The following MAPK14 variants were observed in gnomAD, a reference collection of about 807,000 sequenced individuals.
MAPK14 encodes mitogen-activated protein kinase 14.
A neutral mutation model predicts 49.6 loss-of-function variants in MAPK14; 16 were observed. The ratio of observed to expected loss-of-function variants is 0.32; its 90% CI spans 0.22 to 0.49. The LOEUF (loss-of-function observed/expected upper bound fraction) is 0.49. Among genes scored for constraint, MAPK14 ranks in the 20% least tolerant of loss-of-function variants. The pLI, the probability that MAPK14 is intolerant of heterozygous loss-of-function variation, is 0.99. For synonymous variants in MAPK14, 142 were observed against 158.0 expected (o/e 0.90, Z 0.76); for missense variants, 200 against 441.2 (o/e 0.45, Z 4.90).
At chr6:36,086,553 A>C (rs1764993126) in intron 8 of MAPK14, among the ~76,000 whole-genome samples, 1 of 152,218 alleles carries the variant, frequency 6.6e-6, no homozygotes, top group African/African-American at 2.4e-5. Context: ...AAAATCTAGA[A>C]GAAATGGATG....
the MAPK14 span, among the ~76,000 whole-genome samples, chr6:36,116,344 T>A: frequency 1.3e-5 from 2 of 152,148 alleles, no homozygotes; most frequent in Non-Finnish European, 2.9e-5. Context: ...AGAATCTTTT[T>A]TTTTTTTTGG....
intron 1 of MAPK14, among the ~76,000 whole-genome samples, chr6:36,044,186 A>T (rs1304151470): frequency 6.6e-6 from 1 of 152,154 alleles, no homozygotes; most frequent in Non-Finnish European, 1.5e-5. Context: ...AGATTTCAAT[A>T]TATTTAAATA....
At chr6:36,091,832 A>ATCTTT (rs761092225) in intron 8 of MAPK14, among the ~76,000 whole-genome samples, 1 of 142,218 alleles carries the variant, frequency 7.0e-6, no homozygotes, top group Admixed American at 7.0e-5. Flanking sequence ...AATATGGCTC[A>ATCTTT]TCTTTTCTTT....
At position 36,104,321 on chromosome 6, in the gene MAPK14, A is replaced by G. The variant is rs1337926713; in HGVS notation, c.841+1672A>G. 2.6e-5 allele frequency among the ~76,000 whole-genome samples: 4 copies of G among 151,990 alleles called. No homozygotes were observed. In the South Asian group the frequency reaches 8.3e-4, roughly 32 times the overall value. ...TATTTGAGCTGTATTATCTAGTTCA[A>G]GGGTCTGTGAGAAGCTCTCTTTGAG... On this transcript the variant is annotated intron_variant, in intron 10 of 11. Transcript: ENST00000229794.
intron 10 of MAPK14, among the ~76,000 whole-genome samples, chr6:36,106,571 A>G (rs895822951): frequency 6.6e-6 from 1 of 152,240 alleles, no homozygotes; most frequent in Non-Finnish European, 1.5e-5. Flanking sequence ...TTATGATTAT[A>G]TAGGAAGATG....
rs200942351 is a variant in MAPK14, at chr6:36,109,641, A to G, written c.*1194A>G. 1.3e-5 allele frequency: 2 copies of G among 152,648 alleles called. No individual in the cohort carries two copies. The highest frequency in any genetic ancestry group is 4.8e-5 in the African/African-American group (2 of 41,468). 9.5% of individuals were successfully genotyped at this position (152,648 alleles called of 1,614,324 possible). A position where few individuals can be genotyped will look rare whatever the true frequency, so the allele number is the denominator to read the frequency against. On this transcript the variant is annotated 3_prime_UTR_variant, in exon 12 of 12. Transcript: ENST00000229794. ...GATGTATAGCATTTTTATTCATGCC[A>G]TCTGTTTTCAACCAACTATTTTTGA...
chr6:36,120,040 A>G, the MAPK14 span, among the ~76,000 whole-genome samples: 1 of 152,206 alleles, frequency 6.6e-6, no homozygotes, highest in South Asian at 2.1e-4. Flanking sequence ...TTCAGCTGCC[A>G]AGAGCCAGAC....
At chr6:36,030,782 C>A (rs945694234) in intron 1 of MAPK14, among the ~76,000 whole-genome samples, 4 of 150,276 alleles carry the variant, frequency 2.7e-5, no homozygotes, top group African/African-American at 9.8e-5. Flanking sequence ...TGTTAAGTGT[C>A]TTGTGTCTTT....
At chr6:36,034,879 C>G (rs114425129) in intron 1 of MAPK14, among the ~76,000 whole-genome samples, 2,625 of 150,072 alleles carry the variant, frequency 0.017, 76 homozygotes, top group African/African-American at 0.06. Flanking sequence ...TGGTAATTCT[C>G]GCAATATTTC....
At chr6:36,048,359 C>T (rs1377082932) in intron 1 of MAPK14, among the ~76,000 whole-genome samples, 1 of 151,978 alleles carries the variant, frequency 6.6e-6, no homozygotes, top group Non-Finnish European at 1.5e-5. Context: ...TTATTTTTTG[C>T]AGAGACAGGG....
rs11300938 is a variant in MAPK14 at position 36,106,910 on chromosome 6, C to CA, written c.842-535dup. 4.3e-3 allele frequency among the ~76,000 whole-genome samples: 612 copies of CA among 143,146 alleles called. 2 individuals carry two copies. The highest frequency in any genetic ancestry group is 5.8e-3 in the Non-Finnish European group (376 of 64,712). The allele number at this position is 143,146 out of a possible 152,430, so 93.9% of individuals were successfully genotyped here. A position where few individuals can be genotyped will look rare whatever the true frequency, so the allele number is the denominator to read the frequency against. On this transcript the variant is annotated intron_variant, in intron 10 of 11. Coordinates refer to ENST00000229794, the MANE Select transcript of MAPK14 (RefSeq NM_139012.3). ...TTAGTAAATAAACAGCTTAGGGGGA[C>CA]AAAAAAAAAACAGCCCTGCCTACCT...
chr6:36,028,224 C>A lies in MAPK14; in HGVS notation c.67C>A (p.Arg23Ser), dbSNP rs1268130777. 6.2e-7 allele frequency: 1 copy of A among 1,613,890 alleles called. No individual in the cohort carries two copies. Among genetic ancestry groups the A allele is most frequent in the South Asian group, 1.1e-5 (1 of 91,074 alleles). Residue 23 changes from arginine to serine, a missense_variant, in exon 1 of 12, where the codon CGT (arginine) becomes AGT (serine). By Grantham distance (110) the Arg-to-Ser change is moderately radical. Coordinates refer to ENST00000229794, the MANE Select transcript of MAPK14 (RefSeq NM_139012.3). This position sits in a 1 kb window ranked among gnomAD's most constrained non-coding sequence, Gnocchi z 5.1. ...LNKTIWEVPE[R>S]YQNLSPVGSG... ...CAAGACAATCTGGGAGGTGCCCGAG[C>A]GTTACCAGAACCTGTCTCCAGTGGG...
At chr6:36,084,583 G>A (rs1764903246) in intron 8 of MAPK14, among the ~76,000 whole-genome samples, 1 of 152,188 alleles carries the variant, frequency 6.6e-6, no homozygotes, top group Non-Finnish European at 1.5e-5. Flanking sequence ...CCAAGTGGAG[G>A]AAAGAATTTC....
intron 8 of MAPK14, among the ~76,000 whole-genome samples, chr6:36,090,530 T>C (rs984275230): frequency 6.7e-6 from 1 of 149,708 alleles, no homozygotes; most frequent in Non-Finnish European, 1.5e-5. Context: ...TCTCTCTCTT[T>C]TTTTTTTTTT....
intron 8 of MAPK14, chr6:36,076,942 T>C (rs1764554354): frequency 5.3e-6 from 1 of 187,788 alleles, no homozygotes; most frequent in Non-Finnish European, 1.1e-5. Flanking sequence ...AGTTTTAGTC[T>C]TCTTGTATAA....
Position 36,110,808 on chromosome 6 carries a change from A to G in MAPK14, c.*2361A>G, listed in dbSNP as rs952555800. Reference sequence around the variant, plus strand: ...TTTTTCTCTTGTTTTTATTTAATGCACAATATGGCATTATATCAATATCCT... The same window carrying G: ...TTTTTCTCTTGTTTTTATTTAATGCGCAATATGGCATTATATCAATATCCT... On this transcript the variant is annotated 3_prime_UTR_variant, in exon 12 of 12. Transcript: ENST00000229794. 2 of 152,200 alleles carry G rather than the reference A, an allele frequency of 1.3e-5. No individual in the cohort carries two copies. Among genetic ancestry groups the G allele is most frequent in the South Asian group, 2.1e-4 (1 of 4,832 alleles). 9.4% of individuals were successfully genotyped at this position (152,200 alleles called of 1,614,324 possible). A position where few individuals can be genotyped will look rare whatever the true frequency, so the allele number is the denominator to read the frequency against.
rs67149910 is a variant in MAPK14 at position 36,107,269 on chromosome 6, TACACACACAC to T, written c.842-172_842-163del. Among the ~76,000 whole-genome samples, 18 of 150,660 alleles carry T rather than the reference TACACACACAC, an allele frequency of 1.2e-4. No homozygotes were observed. Among genetic ancestry groups the T allele is most frequent in the African/African-American group, 4.1e-4 (17 of 40,974 alleles). On this transcript the variant is annotated intron_variant, in intron 10 of 11. Transcript: ENST00000229794. This position sits in a 1 kb window ranked among gnomAD's most constrained non-coding sequence, Gnocchi z 4.3. ...AATTTTAAAACATAGAAAATACAGA[TACACACACAC>T]ACACACACACACATACACACATAAA...
chr6:36,080,832 T>C (rs1217848367), intron 8 of MAPK14, among the ~76,000 whole-genome samples: 4 of 152,138 alleles, frequency 2.6e-5, no homozygotes, highest in African/African-American at 9.7e-5. Flanking sequence ...AGGATTCCTG[T>C]ATCTCCAAAC....
intron 8 of MAPK14, among the ~76,000 whole-genome samples, chr6:36,093,086 A>AT (rs1765302011): frequency 6.6e-6 from 1 of 152,172 alleles, no homozygotes; most frequent in African/African-American, 2.4e-5. Context: ...TAGGAATAGA[A>AT]AAGGCTTGGA....
Sources: gnomAD v4.1 joint callset for allele counts (sites outside exome capture counted in the v4.1 genomes callset) on GRCh38, gnomAD v4.1.1 for gene constraint, Gnocchi (gnomAD v3.1) non-coding constraint, MANE v1.5 for transcripts, NCBI Gene and HGNC (gene_info 2026-07-23, HGNC 2026-07-21) for gene names.